RPS6KC1: variants seen among roughly 807,000 people sequenced by gnomAD.
RPS6KC1 encodes the protein ribosomal protein S6 kinase C1, also known as inactive ribosomal protein S6 kinase delta-1.
RPS6KC1 carries 54 observed loss-of-function variants against 103.8 expected under a neutral mutation model. The ratio of observed to expected loss-of-function variants is 0.52; its 90% confidence interval spans 0.42 to 0.65. The LOEUF (loss-of-function observed/expected upper bound fraction) is 0.65. Ranked by LOEUF, RPS6KC1 falls within the 30% of genes least tolerant of loss-of-function variation. RPS6KC1 has a pLI of 0.00. For missense variants in RPS6KC1, 1,151 were observed against 1,253.8 expected (o/e 0.92, Z 1.24); for synonymous variants, 439 against 438.7 (o/e 1.00, Z -0.01).
chr1:213,223,524 C>T (rs1482998576), intron 8 of RPS6KC1, among the ~76,000 whole-genome samples: 2 of 152,124 alleles, frequency 1.3e-5, no homozygotes, highest in Non-Finnish European at 2.9e-5. Flanking sequence ...CAAGTTGCTG[C>T]AAAAGACATT....
At chr1:213,831,657 A>G in the RPS6KC1 span, among the ~76,000 whole-genome samples, 2 of 152,218 alleles carry the variant, frequency 1.3e-5, no homozygotes, top group Admixed American at 6.5e-5. Flanking sequence ...TAATAATTAT[A>G]ATTCCAATAA....
intron 4 of RPS6KC1, among the ~76,000 whole-genome samples, chr1:213,116,029 G>A (rs2083559745): frequency 6.6e-6 from 1 of 152,064 alleles, no homozygotes; most frequent in African/African-American, 2.4e-5. Context: ...TGTATATTCT[G>A]TTGATTTGGG....
At chr1:213,314,235 A>T in the RPS6KC1 span, among the ~76,000 whole-genome samples, 1 of 152,198 alleles carries the variant, frequency 6.6e-6, no homozygotes, top group Non-Finnish European at 1.5e-5. Context: ...ATATTGGATT[A>T]GGTCCCATTC....
chr1:213,138,736 A>G (rs950879325), intron 6 of RPS6KC1, among the ~76,000 whole-genome samples: 2 of 151,894 alleles, frequency 1.3e-5, no homozygotes, highest in African/African-American at 4.8e-5. Context: ...TCTGTACCAT[A>G]TTTTCTTTAT....
intron 8 of RPS6KC1, chr1:213,205,131 A>G (rs1393070124): frequency 3.0e-6 from 1 of 337,932 alleles, no homozygotes; most frequent in Non-Finnish European, 4.2e-6. Context: ...TGTGTTGTAT[A>G]CCTTGCTTAA....
At chr1:213,708,556 T>C in the RPS6KC1 span, among the ~76,000 whole-genome samples, 1 of 152,220 alleles carries the variant, frequency 6.6e-6, no homozygotes, top group Non-Finnish European at 1.5e-5. Context: ...TTCTCTTGCC[T>C]GATTACCTTG....
At chr1:213,661,325 C>A in the RPS6KC1 span, among the ~76,000 whole-genome samples, 1 of 152,326 alleles carries the variant, frequency 6.6e-6, no homozygotes, top group Middle Eastern at 3.4e-3. Context: ...AAGGTAAAAA[C>A]AACACACTTA....
At chr1:213,681,041 A>C in the RPS6KC1 span, among the ~76,000 whole-genome samples, 1 of 152,202 alleles carries the variant, frequency 6.6e-6, no homozygotes, top group Non-Finnish European at 1.5e-5. Flanking sequence ...TGTGGATGGC[A>C]ATGGCCTTCT....
At chr1:213,838,982 G>T in the RPS6KC1 span, among the ~76,000 whole-genome samples, 1 of 152,156 alleles carries the variant, frequency 6.6e-6, no homozygotes, top group African/African-American at 2.4e-5. Context: ...TAGCAATATG[G>T]TGTCTGTAAG....
At chr1:213,394,053 G>C in the RPS6KC1 span, among the ~76,000 whole-genome samples, 3 of 152,184 alleles carry the variant, frequency 2.0e-5, no homozygotes, top group Non-Finnish European at 4.4e-5. Context: ...CAGGTTGGCT[G>C]TGAGGCTGAG....
chr1:213,630,570 C>T, the RPS6KC1 span, among the ~76,000 whole-genome samples: 4 of 152,202 alleles, frequency 2.6e-5, no homozygotes, highest in Non-Finnish European at 5.9e-5. Context: ...AAGCCTTCTT[C>T]TCTCAACTCG....
the RPS6KC1 span, among the ~76,000 whole-genome samples, chr1:213,814,362 A>G: frequency 6.6e-6 from 1 of 152,240 alleles, no homozygotes; most frequent in Non-Finnish European, 1.5e-5. Context: ...GCTGGGCATC[A>G]TCCAACTGAG....
At chr1:213,760,556 T>A in the RPS6KC1 span, among the ~76,000 whole-genome samples, 1 of 152,116 alleles carries the variant, frequency 6.6e-6, no homozygotes, top group African/African-American at 2.4e-5. Flanking sequence ...TTCCCTCTGT[T>A]AAAAAAACAT....
Position 213,243,773 on chromosome 1 carries a change from G to T in RPS6KC1, c.2911+1115G>T, listed in dbSNP as rs939388025. Among the ~76,000 whole-genome samples the T allele has an allele frequency of 2.6e-4, 40 of 151,840 alleles. 1 individual carries two copies. The highest frequency in any genetic ancestry group is 1.6e-3 in the Admixed American group (24 of 15,226). ...AGGAGTTTCAAGCTGATTTTTTTTT[G>T]ATATAGTCTGCTTAGGTGTTGATCA... is the stretch of plus-strand genomic sequence containing the variant. On this transcript the variant is annotated intron_variant, in intron 12 of 14. Transcript: ENST00000366960.
At chr1:213,329,067 T>C in the RPS6KC1 span, among the ~76,000 whole-genome samples, 1 of 152,176 alleles carries the variant, frequency 6.6e-6, no homozygotes. Context: ...TTTCTGCTGG[T>C]TAGAGTACCA....
chr1:213,657,101 G>A, the RPS6KC1 span, among the ~76,000 whole-genome samples: 3 of 152,022 alleles, frequency 2.0e-5, no homozygotes, highest in African/African-American at 4.8e-5. Context: ...ATAAACCCAG[G>A]GGTCATCTTG....
intron 5 of RPS6KC1, among the ~76,000 whole-genome samples, chr1:213,128,773 GTTATA>G (rs886387399): frequency 6.6e-6 from 1 of 152,170 alleles, no homozygotes; most frequent in African/African-American, 2.4e-5. Context: ...TTGTGTAGTT[GTTATA>G]TAGTTACAGG....
At chr1:213,117,593 ATC>A (rs2083811492) in intron 5 of RPS6KC1, among the ~76,000 whole-genome samples, 183 bp downstream of exon 5, 1 of 151,884 alleles carries the variant, frequency 6.6e-6, no homozygotes, top group African/African-American at 2.4e-5. Context: ...GGTCAGGCAT[ATC>A]TCATATTTAA....
At chr1:213,738,664 A>C in the RPS6KC1 span, among the ~76,000 whole-genome samples, 1 of 151,966 alleles carries the variant, frequency 6.6e-6, no homozygotes, top group Non-Finnish European at 1.5e-5. Context: ...CAACAGAAAT[A>C]ACCATAAGAA....
Sources: gnomAD v4.1 joint callset for allele counts (sites outside exome capture counted in the v4.1 genomes callset) on GRCh38, gnomAD v4.1.1 for gene constraint, MANE v1.5 for transcripts, NCBI Gene and HGNC (gene_info 2026-07-23, HGNC 2026-07-21) for gene names.